WWOX: variants seen among roughly 807,000 people sequenced by gnomAD.
WWOX encodes the protein WW domain-containing oxidoreductase.
A neutral mutation model predicts 46.2 loss-of-function variants in WWOX; 69 were observed. The ratio of observed to expected loss-of-function variants is 1.49; its 90% CI spans 1.23 to 1.82. The LOEUF is 1.82. Ranked by LOEUF, WWOX falls within the 40% of genes most tolerant of loss-of-function variation. The probability of loss-of-function intolerance (pLI) is 0.00; values close to 1 mark genes in which losing one functional copy is unlikely to be tolerated. For synonymous variants in WWOX, 359 were observed against 202.6 expected, an observed-to-expected ratio of 1.77 and a Z score of -6.56; for missense variants, 919 against 542.6, an observed-to-expected ratio of 1.69 and a Z score of -6.89.
chr16:78,920,520 G>A (rs2346815), intron 8 of WWOX, among the ~76,000 whole-genome samples: 138,402 of 152,130 alleles, frequency 0.91, 64,015 homozygotes, highest in Non-Finnish European at 0.99. Context: ...AGCCCTCCTT[G>A]TCAGTCACGT....
At chr16:78,923,478 G>T (rs1388302381) in intron 8 of WWOX, among the ~76,000 whole-genome samples, 1 of 151,728 alleles carries the variant, frequency 6.6e-6, no homozygotes, top group South Asian at 2.1e-4. Context: ...ATTTTGTTTT[G>T]TTCTTTCTTG....
intron 8 of WWOX, among the ~76,000 whole-genome samples, chr16:78,971,072 C>T (rs77379988): frequency 0.017 from 2,617 of 152,012 alleles, 33 homozygotes; most frequent in Middle Eastern, 0.058. Context: ...TATATGTATA[C>T]ATATGTATAT....
intron 8 of WWOX, among the ~76,000 whole-genome samples, chr16:79,022,815 C>T (rs2047561219): frequency 6.6e-6 from 1 of 152,196 alleles, no homozygotes; most frequent in South Asian, 2.1e-4. Flanking sequence ...ATGGAAAAGG[C>T]AACCGAAAGG....
chr16:78,761,627 G>A (rs1385589945), intron 8 of WWOX, among the ~76,000 whole-genome samples: 1 of 152,050 alleles, frequency 6.6e-6, no homozygotes, highest in Non-Finnish European at 1.5e-5. Context: ...CGTCTGACAT[G>A]TTTGGGTTCT....
chr16:78,131,421 C>T (rs1567589172), intron 4 of WWOX, among the ~76,000 whole-genome samples: 1 of 152,008 alleles, frequency 6.6e-6, no homozygotes, highest in Admixed American at 6.6e-5. Context: ...TGCTATGTTG[C>T]CCATGCTGGT....
chr16:78,185,983 G>C (rs7205298), intron 5 of WWOX, among the ~76,000 whole-genome samples: 1 of 152,126 alleles, frequency 6.6e-6, no homozygotes, highest in Admixed American at 6.5e-5. Context: ...GACTTTAACA[G>C]CAACTTAAAG....
At chr16:78,628,118 C>T (rs2046350630) in intron 8 of WWOX, among the ~76,000 whole-genome samples, 1 of 152,156 alleles carries the variant, frequency 6.6e-6, no homozygotes, top group African/African-American at 2.4e-5. Flanking sequence ...TGGAATGAAC[C>T]TTCACACCGA....
intron 8 of WWOX, among the ~76,000 whole-genome samples, chr16:78,543,784 A>G (rs2043957198): frequency 6.6e-6 from 1 of 152,130 alleles, no homozygotes; most frequent in African/African-American, 2.4e-5. Context: ...CAATACACTG[A>G]TGAGAATTGA....
At chr16:78,774,546 G>A (rs978259013) in intron 8 of WWOX, among the ~76,000 whole-genome samples, 2 of 151,304 alleles carry the variant, frequency 1.3e-5, no homozygotes, top group East Asian at 2.0e-4. Flanking sequence ...GTGCGCACAC[G>A]CATGAGCCTG....
At chr16:79,207,460 A>G (rs1342605792) in intron 8 of WWOX, among the ~76,000 whole-genome samples, 2 of 152,238 alleles carry the variant, frequency 1.3e-5, no homozygotes, top group Non-Finnish European at 2.9e-5. Context: ...AGCCTAATCT[A>G]ACTTCCAGGG....
chr16:78,787,881 T>C (rs1003763216), intron 8 of WWOX, among the ~76,000 whole-genome samples: 7 of 152,198 alleles, frequency 4.6e-5, no homozygotes. Context: ...TTGATTTGCA[T>C]TTCCCTCATG....
intron 8 of WWOX, among the ~76,000 whole-genome samples, chr16:78,635,072 A>T: frequency 6.6e-6 from 1 of 152,104 alleles, no homozygotes; most frequent in East Asian, 1.9e-4. Flanking sequence ...CCTCTTACAG[A>T]TAGGAAACCT....
intron 8 of WWOX, among the ~76,000 whole-genome samples, chr16:79,034,437 G>T (rs555018908): frequency 6.6e-6 from 1 of 152,330 alleles, no homozygotes; most frequent in Non-Finnish European, 1.5e-5. Flanking sequence ...CCTGGGCCTT[G>T]TACTCTGGCC....
intron 8 of WWOX, among the ~76,000 whole-genome samples, chr16:78,973,922 G>A (rs1024409925): frequency 2.0e-5 from 3 of 152,162 alleles, no homozygotes; most frequent in East Asian, 1.9e-4. Context: ...TTTTTTCTTC[G>A]GCGTGTTTAT....
intron 8 of WWOX, among the ~76,000 whole-genome samples, chr16:78,589,640 CATA>C (rs1414682452): frequency 6.6e-6 from 1 of 152,154 alleles, no homozygotes; most frequent in Non-Finnish European, 1.5e-5. Flanking sequence ...CCGGTAAAGG[CATA>C]AAGATAGCCC....
chr16:78,456,230 A>T (rs907433522), intron 8 of WWOX, among the ~76,000 whole-genome samples: 3 of 152,188 alleles, frequency 2.0e-5, no homozygotes, highest in African/African-American at 7.2e-5. Flanking sequence ...AGTTGGGAAG[A>T]GGGACACATT....
At chr16:79,070,912 A>C (rs1423464766) in intron 8 of WWOX, among the ~76,000 whole-genome samples, 2 of 152,286 alleles carry the variant, frequency 1.3e-5, no homozygotes, top group South Asian at 2.1e-4. Flanking sequence ...ATCGTCACTC[A>C]GCACAGAACA....
intron 8 of WWOX, among the ~76,000 whole-genome samples, chr16:78,677,411 A>G (rs8053602): frequency 0.036 from 5,502 of 152,300 alleles, 147 homozygotes; most frequent in Non-Finnish European, 0.053. Context: ...AAAACTTGCA[A>G]TGGCTTGCCA....
chr16:78,793,267 C>G (rs921245192), intron 8 of WWOX, among the ~76,000 whole-genome samples: 2 of 152,062 alleles, frequency 1.3e-5, no homozygotes, highest in East Asian at 3.9e-4. Flanking sequence ...TGCCATGTTG[C>G]ACTGGCTGGT....
Sources: gnomAD v4.1 joint callset for allele counts (sites outside exome capture counted in the v4.1 genomes callset) on GRCh38, gnomAD v4.1.1 for gene constraint, MANE v1.5 for transcripts, NCBI Gene and HGNC (gene_info 2026-07-23, HGNC 2026-07-21) for gene names.